The following PCDHA4 variants were observed in gnomAD, a reference collection of about 807,000 sequenced individuals.
The protein encoded by PCDHA4 is protocadherin alpha-4.
Under a neutral mutation model 61.4 loss-of-function variants are expected in PCDHA4, and 49 were observed. The observed-to-expected ratio is 0.80, with a 90% CI of 0.63 to 1.01. The LOEUF (loss-of-function observed/expected upper bound fraction) is 1.01. Among genes scored for constraint, PCDHA4 ranks in the 50% least tolerant of loss-of-function variants. The probability of loss-of-function intolerance (pLI) is 0.00; values close to 1 mark genes in which losing one functional copy is unlikely to be tolerated. For synonymous variants in PCDHA4, 590 were observed against 550.3 expected (o/e 1.07, Z -1.01); for missense variants, 1,254 against 1,235.8 (o/e 1.01, Z -0.22).
chr5:140,875,305 C>T, intron 1 of PCDHA4: 1 of 1,420,254 alleles, frequency 7.0e-7, no homozygotes, highest in South Asian at 1.6e-5. Context: ...TTTCTCCGCA[C>T]CCACATTCCA....
intron 1 of PCDHA4, chr5:140,876,526 G>T: frequency 6.2e-7 from 1 of 1,614,164 alleles, no homozygotes; most frequent in Non-Finnish European, 8.5e-7. Context: ...TGAAGTAATG[G>T]TTACTTCACT....
chr5:140,839,049 A>G (rs943525046), intron 1 of PCDHA4, among the ~76,000 whole-genome samples: 2 of 152,062 alleles, frequency 1.3e-5, no homozygotes, highest in African/African-American at 4.8e-5. Context: ...TTCAACGTGA[A>G]TAAGGATAGA....
At chr5:140,821,186 GA>G (rs1457937016) in intron 1 of PCDHA4, among the ~76,000 whole-genome samples, 5 of 152,042 alleles carry the variant, frequency 3.3e-5, no homozygotes, top group African/African-American at 1.2e-4. Flanking sequence ...GACTAATACA[GA>G]AAAAACTCAA....
At chr5:140,846,383 T>C (rs1416297479) in intron 1 of PCDHA4, among the ~76,000 whole-genome samples, 1 of 137,386 alleles carries the variant, frequency 7.3e-6, no homozygotes, top group African/African-American at 2.6e-5. Flanking sequence ...CTTTTTTTTT[T>C]TTTTTTTTTG....
intron 2 of PCDHA4, 141 bp downstream of exon 2, chr5:140,979,148 C>G: frequency 6.9e-7 from 1 of 1,441,158 alleles, no homozygotes; most frequent in South Asian, 1.5e-5. Context: ...TTATTTTGTC[C>G]CCATGTTTAT....
In PCDHA4 at chr5:140,982,542, A is replaced by T; in HGVS notation, c.2512A>T (p.Thr838Ser). 6.2e-7 allele frequency: 1 copy of T among 1,614,210 alleles called. No individual in the cohort carries two copies. Among genetic ancestry groups the T allele is most frequent in the Non-Finnish European group, 8.5e-7 (1 of 1,180,042 alleles). The change falls in exon 3 of 4, where the codon ACA becomes TCA. Residue 838 changes from threonine (T) to serine (S), a missense_variant. Transcript: ENST00000530339. ...AGGAGGGCCTGATCAGCAGTGGCCA[A>T]CAGTATCCAGTGCAACACCAGGTAA... is the stretch of plus-strand genomic sequence containing the variant. The part of the protein sequence containing the change: ...GPGGPDQQWP[T>S]VSSATPEPEA...
At chr5:140,821,287 A>T (rs1180912699) in intron 1 of PCDHA4, among the ~76,000 whole-genome samples, 1 of 152,024 alleles carries the variant, frequency 6.6e-6, no homozygotes, top group Non-Finnish European at 1.5e-5. Context: ...AAATATATAA[A>T]CTCCTCCCTA....
rs2098419589 is a variant in PCDHA4 at position 141,011,142 on chromosome 5, C to A, written c.*1205C>A. 1 of 153,660 alleles carries A rather than the reference C, an allele frequency of 6.5e-6. No individual in the cohort carries two copies. The highest frequency in any genetic ancestry group is 2.1e-4 in the South Asian group (1 of 4,820). 9.5% of individuals were successfully genotyped at this position (153,660 alleles called of 1,614,324 possible). On this transcript the variant is annotated 3_prime_UTR_variant, in exon 4 of 4. Transcript: ENST00000530339. ...CAATTATGTGCACTTTGATACACAA[C>A]CTTCTCTAACCAACTATATATCAAG...
intron 1 of PCDHA4, among the ~76,000 whole-genome samples, chr5:140,911,819 A>C (rs2075652599): frequency 6.6e-6 from 1 of 152,164 alleles, no homozygotes; most frequent in Admixed American, 6.6e-5. Context: ...CTTCTCCAGA[A>C]ACCCCAAAAC....
chr5:140,930,394 T>C (rs531643898), intron 1 of PCDHA4: 1 of 145,356 alleles, frequency 6.9e-6, no homozygotes, highest in South Asian at 2.2e-4. Flanking sequence ...TCAAAACTTC[T>C]TTTTTTTTTT....
chr5:140,908,999 T>C (rs1221174156), intron 1 of PCDHA4, among the ~76,000 whole-genome samples: 1 of 152,190 alleles, frequency 6.6e-6, no homozygotes, highest in Non-Finnish European at 1.5e-5. Context: ...GAAATTTTAC[T>C]GAGGTAGAAG....
intron 1 of PCDHA4, chr5:140,841,947 A>G (rs2150326341): frequency 2.5e-6 from 4 of 1,613,886 alleles, no homozygotes; most frequent in Admixed American, 3.3e-5. Context: ...CCTGCGCACC[A>G]CTTATTCCTG....
chr5:140,829,044 T>A, intron 1 of PCDHA4: 13 of 1,613,140 alleles, frequency 8.1e-6, no homozygotes, highest in Non-Finnish European at 1.1e-5. Context: ...TTATACAAAA[T>A]CCTCATTGAC....
intron 1 of PCDHA4, among the ~76,000 whole-genome samples, chr5:140,838,192 C>A (rs1473980507): frequency 1.3e-5 from 2 of 149,554 alleles, no homozygotes; most frequent in Non-Finnish European, 3.0e-5. Flanking sequence ...CAGCTCACTG[C>A]AAAATCCGCC....
At chr5:140,862,766 A>T (rs781899169) in intron 1 of PCDHA4, 1 of 576,266 alleles carries the variant, frequency 1.7e-6, no homozygotes, top group Non-Finnish European at 3.3e-6. Context: ...GGCAAGAGGT[A>T]CGCGTTGCAG....
chr5:140,858,302 A>T, intron 1 of PCDHA4: 1 of 1,597,158 alleles, frequency 6.3e-7, no homozygotes, highest in South Asian at 1.1e-5. Context: ...CTCGCAGCAG[A>T]GGCGGCAGAG....
At chr5:140,835,789 C>A (rs2150244748) in intron 1 of PCDHA4, 8 of 1,613,106 alleles carry the variant, frequency 5.0e-6, no homozygotes, top group Non-Finnish European at 5.9e-6. Context: ...GAGAACAACC[C>A]GCCGGGCTGC....
At chr5:140,962,840 T>C (rs1554226297) in intron 1 of PCDHA4, among the ~76,000 whole-genome samples, 6 of 152,348 alleles carry the variant, frequency 3.9e-5, no homozygotes, top group African/African-American at 2.4e-5. Context: ...TTTTTTATTA[T>C]ATAACTTGTG....
At chr5:140,835,713 G>A (rs1490262611) in intron 1 of PCDHA4, 1 of 1,613,696 alleles carries the variant, frequency 6.2e-7, no homozygotes, top group African/African-American at 1.3e-5. Context: ...CGTGTCCGTG[G>A]AGGTGGCCGA....
Sources: gnomAD v4.1 joint callset for allele counts (sites outside exome capture counted in the v4.1 genomes callset) on GRCh38, gnomAD v4.1.1 for gene constraint, MANE v1.5 for transcripts, NCBI Gene and HGNC (gene_info 2026-07-23, HGNC 2026-07-21) for gene names.